CHRM3: variants seen among roughly 807,000 people sequenced by gnomAD.
CHRM3 encodes the protein muscarinic acetylcholine receptor M3.
CHRM3 carries 11 observed loss-of-function variants against 41.8 expected under a neutral mutation model. The observed-to-expected ratio is 0.26, with a 90% CI of 0.17 to 0.44. CHRM3 has a LOEUF of 0.44. CHRM3 is among the 20% of genes least tolerant of loss of function. The probability of loss-of-function intolerance (pLI) is 1.00; values close to 1 mark genes in which losing one functional copy is unlikely to be tolerated. For missense variants in CHRM3, 571 were observed against 745.4 expected (o/e 0.77, Z 2.72); for synonymous variants, 297 against 301.4 (o/e 0.99, Z 0.15).
intron 1 of CHRM3, among the ~76,000 whole-genome samples, chr1:239,431,851 T>A (rs2103176972): frequency 6.6e-6 from 1 of 152,268 alleles, no homozygotes; most frequent in South Asian, 2.1e-4. Flanking sequence ...TGTATCCGGA[T>A]ACTTCCCCTC....
At chr1:239,686,020 T>G (rs909250813) in intron 5 of CHRM3, among the ~76,000 whole-genome samples, 6 of 152,090 alleles carry the variant, frequency 3.9e-5, no homozygotes, top group Admixed American at 3.3e-4. Context: ...TGTTCTGTCG[T>G]TGACTCCCCA....
chr1:239,388,794 A>G (rs1282112579), intron 1 of CHRM3, among the ~76,000 whole-genome samples: 1 of 152,212 alleles, frequency 6.6e-6, no homozygotes, highest in Non-Finnish European at 1.5e-5. Context: ...CCAACATGCC[A>G]CAGAAATGTG....
chr1:239,796,505 A>G (rs1669784422), intron 5 of CHRM3, among the ~76,000 whole-genome samples: 1 of 152,138 alleles, frequency 6.6e-6, no homozygotes, highest in Non-Finnish European at 1.5e-5. Flanking sequence ...GGAACTGAAA[A>G]TCAGTTGGGT....
intron 5 of CHRM3, among the ~76,000 whole-genome samples, chr1:239,680,646 T>C (rs1658469258): frequency 6.6e-6 from 1 of 152,088 alleles, no homozygotes; most frequent in Non-Finnish European, 1.5e-5. Context: ...AGTTGTATGA[T>C]TCAGCCAACA....
chr1:239,667,367 G>A (rs954073741), intron 4 of CHRM3, among the ~76,000 whole-genome samples: 1 of 152,012 alleles, frequency 6.6e-6, no homozygotes, highest in South Asian at 2.1e-4. Flanking sequence ...CCAATGTCCC[G>A]CATATCCCAT....
At chr1:239,457,814 AAAATT>A (rs371500404) in intron 1 of CHRM3, among the ~76,000 whole-genome samples, 7 of 152,358 alleles carry the variant, frequency 4.6e-5, no homozygotes, top group African/African-American at 1.7e-4. Flanking sequence ...GGATATGAGA[AAAATT>A]AAAGTGGTTT....
At chr1:239,507,035 A>G (rs1292667881) in intron 2 of CHRM3, among the ~76,000 whole-genome samples, 2 of 152,164 alleles carry the variant, frequency 1.3e-5, no homozygotes, top group African/African-American at 4.8e-5. Context: ...GGAAGTAACT[A>G]ACTTCCTTTT....
chr1:239,709,759 A>G (rs1661575556), intron 5 of CHRM3, among the ~76,000 whole-genome samples: 1 of 152,208 alleles, frequency 6.6e-6, no homozygotes, highest in African/African-American at 2.4e-5. Flanking sequence ...GGGACGTTCC[A>G]CTTAAGTAGC....
intron 4 of CHRM3, among the ~76,000 whole-genome samples, chr1:239,676,062 C>T (rs573847744): frequency 6.6e-6 from 1 of 152,266 alleles, no homozygotes; most frequent in East Asian, 1.9e-4. Flanking sequence ...CCCACTATCC[C>T]TGTTTTCGCC....
At chr1:239,823,634 C>T (rs1324563064) in intron 5 of CHRM3, among the ~76,000 whole-genome samples, 2 of 152,014 alleles carry the variant, frequency 1.3e-5, no homozygotes, top group Non-Finnish European at 1.5e-5. Context: ...GCACTGAAAT[C>T]ATCCTTCAGA....
intron 2 of CHRM3, among the ~76,000 whole-genome samples, chr1:239,533,411 G>T (rs1255750302): frequency 6.6e-6 from 1 of 152,104 alleles, no homozygotes; most frequent in African/African-American, 2.4e-5. Context: ...TCACAGGGCG[G>T]CAGGAAGGAG....
chr1:239,390,035 A>G (rs1412002176), intron 1 of CHRM3, among the ~76,000 whole-genome samples: 1 of 152,192 alleles, frequency 6.6e-6, no homozygotes, highest in African/African-American at 2.4e-5. Flanking sequence ...GATGACTAAT[A>G]GCATTATTCT....
intron 5 of CHRM3, among the ~76,000 whole-genome samples, chr1:239,723,968 A>G (rs1663205256): frequency 6.6e-6 from 1 of 151,880 alleles, no homozygotes. Flanking sequence ...CATTTTGTGA[A>G]TGGGTATATT....
At chr1:239,645,654 G>T (rs1480663794) in intron 4 of CHRM3, among the ~76,000 whole-genome samples, 11 of 151,980 alleles carry the variant, frequency 7.2e-5, no homozygotes, top group Admixed American at 2.6e-4. Context: ...ATAGGTTAAG[G>T]TATCAAAATG....
At chr1:239,680,023 A>C (rs1044633612) in intron 5 of CHRM3, among the ~76,000 whole-genome samples, 1 of 151,930 alleles carries the variant, frequency 6.6e-6, no homozygotes, top group Non-Finnish European at 1.5e-5. Context: ...AAGTTCCTCA[A>C]ATTATTCCAT....
chr1:239,520,938 C>T (rs1247422439), intron 2 of CHRM3, among the ~76,000 whole-genome samples: 1 of 152,088 alleles, frequency 6.6e-6, no homozygotes, highest in African/African-American at 2.4e-5. Flanking sequence ...AAAATCCTCT[C>T]TCTTTGGAGT....
intron 6 of CHRM3, among the ~76,000 whole-genome samples, chr1:239,901,512 T>C (rs778008013): frequency 7.2e-5 from 11 of 152,172 alleles, no homozygotes; most frequent in Admixed American, 1.3e-4. Context: ...AAAGGTGGTA[T>C]CTGTCTATAT....
intron 5 of CHRM3, among the ~76,000 whole-genome samples, chr1:239,803,914 ACT>A (rs1350836452): frequency 6.6e-6 from 1 of 152,154 alleles, no homozygotes; most frequent in Non-Finnish European, 1.5e-5. Context: ...TCTGAATTTA[ACT>A]CTGCGGAGGT....
chr1:239,905,570 G>A (rs1679905842), intron 6 of CHRM3, among the ~76,000 whole-genome samples: 1 of 152,112 alleles, frequency 6.6e-6, no homozygotes, highest in Non-Finnish European at 1.5e-5. Flanking sequence ...GCCAGGCAAG[G>A]TGACACATGT....
Sources: gnomAD v4.1 joint callset for allele counts (sites outside exome capture counted in the v4.1 genomes callset) on GRCh38, gnomAD v4.1.1 for gene constraint, MANE v1.5 for transcripts, NCBI Gene and HGNC (gene_info 2026-07-23, HGNC 2026-07-21) for gene names.